The following C6orf132 variants were observed in gnomAD, a reference collection of about 807,000 sequenced individuals.
C6orf132 encodes uncharacterized protein C6orf132.
Under a neutral mutation model 65.3 loss-of-function variants are expected in C6orf132, and 43 were observed. The ratio of observed to expected loss-of-function variants is 0.66; its 90% confidence interval spans 0.52 to 0.85. The LOEUF (loss-of-function observed/expected upper bound fraction) is 0.85. Ranked by LOEUF, C6orf132 falls within the 40% of genes least tolerant of loss-of-function variation. C6orf132 has a pLI of 0.00. For missense variants in C6orf132, 1,488 were observed against 1,548.8 expected, an observed-to-expected ratio of 0.96 and a Z score of 0.66; for synonymous variants, 631 against 654.1, an observed-to-expected ratio of 0.96 and a Z score of 0.54.
Position 42,107,500 on chromosome 6 carries a change from G to C in C6orf132, c.412C>G (p.Leu138Val). ...GGGCCTGGGGGAGGTGGGGGGATGA[G>C]TAGATCCTGGCCATATTGTCCAGGC... ...LRPGQYGQDL[L>V]IPPPPPGPAP... Residue 138 changes from leucine (L) to valine (V), a missense_variant, in exon 4 of 5, where the codon CTC becomes GTC. By Grantham distance (32) the Leu-to-Val change is conservative. Coordinates refer to ENST00000341865, the MANE Select transcript of C6orf132 (RefSeq NM_001164446.3). 4 of 1,549,336 alleles carry C rather than the reference G, an allele frequency of 2.6e-6. No homozygotes were observed. The highest frequency in any genetic ancestry group is 3.5e-6 in the Non-Finnish European group (4 of 1,146,014).
chr6:42,130,202 A>C (rs1021300127), intron 1 of C6orf132, among the ~76,000 whole-genome samples: 27 of 152,220 alleles, frequency 1.8e-4, no homozygotes, highest in African/African-American at 6.0e-4. Flanking sequence ...ACGTCCCTGG[A>C]AACTCCAGTT....
chr6:42,106,454 T>C lies in C6orf132; in HGVS notation c.1458A>G (p.Arg486=), dbSNP rs1766408811. The C allele has an allele frequency of 6.5e-7, 1 of 1,536,164 alleles. No homozygotes were observed. Among genetic ancestry groups the C allele is most frequent in the Non-Finnish European group, 8.7e-7 (1 of 1,146,816 alleles). ...AYLCGSRRED[R]FLSHRPGPTV... is the part of the protein sequence containing the mutation. ...TTGGGCCTGGCCTGTGACTGAGGAA[T>C]CGGTCCTCTCTCCTGGAGCCACAGA... Residue 486 remains arginine, a synonymous_variant, in exon 4 of 5, where the codon CGA becomes CGG. Transcript: ENST00000341865.
At chr6:42,118,297 T>C (rs1291838322) in intron 2 of C6orf132, among the ~76,000 whole-genome samples, 2 of 152,086 alleles carry the variant, frequency 1.3e-5, no homozygotes, top group African/African-American at 2.4e-5. Context: ...GTTCTCAAAG[T>C]TCTTTTCCAG....
intron 1 of C6orf132, among the ~76,000 whole-genome samples, chr6:42,132,901 T>C (rs1228282145): frequency 6.9e-6 from 1 of 145,606 alleles, no homozygotes; most frequent in Non-Finnish European, 1.5e-5. Flanking sequence ...AAAGGAGGTG[T>C]GGCTGCAATC....
intron 1 of C6orf132, among the ~76,000 whole-genome samples, chr6:42,133,044 C>T (rs926583703): frequency 6.6e-6 from 1 of 152,108 alleles, no homozygotes; most frequent in Non-Finnish European, 1.5e-5. Context: ...GGGGTCTTCC[C>T]AGCCTCAAGG....
intron 1 of C6orf132, among the ~76,000 whole-genome samples, chr6:42,130,585 T>C (rs2127478855): frequency 6.6e-6 from 1 of 152,222 alleles, no homozygotes; most frequent in South Asian, 2.1e-4. Context: ...AAGGCCCTAA[T>C]CATTTCATCT....
chr6:42,126,669 C>T (rs1766770786), intron 2 of C6orf132: 1 of 252,850 alleles, frequency 4.0e-6, no homozygotes, highest in Non-Finnish European at 7.5e-6. Context: ...TGGTGAAACC[C>T]TGTCTCTACT....
In C6orf132 at chr6:42,141,380, C is replaced by G. The variant is rs538157571; in HGVS notation, c.145+920G>C. ...TGGGCCCAGAAGCCCCCTGCCCCCC[C>G]AACCTGGGCGTTCCAGAGCCACATG... On this transcript the variant is annotated intron_variant, in intron 1 of 4. Coordinates refer to ENST00000341865, the MANE Select transcript of C6orf132 (RefSeq NM_001164446.3). Among the ~76,000 whole-genome samples the G allele has an allele frequency of 9.8e-5, 15 of 152,354 alleles. No homozygotes were observed. The East Asian group carries it at 2.1e-3, about 22-fold the overall frequency.
chr6:42,107,131 C>G lies in C6orf132; in HGVS notation c.781G>C (p.Asp261His), dbSNP rs1397090376. 1 of 1,439,078 alleles carries G rather than the reference C, an allele frequency of 6.9e-7. No individual in the cohort carries two copies. The highest frequency in any genetic ancestry group is 2.5e-5 in the East Asian group (1 of 39,684). 89.1% of individuals were successfully genotyped at this position (1,439,078 alleles called of 1,614,324 possible). A position where few individuals can be genotyped will look rare whatever the true frequency, so the allele number is the denominator to read the frequency against. Residue 261 changes from aspartate to histidine, a missense_variant, in exon 4 of 5, where the codon GAT (aspartate) becomes CAT (histidine). Transcript: ENST00000341865. Reference protein sequence around the residue: ...PPGGVTKWKSDVALNGRQAEA... With the variant: ...PPGGVTKWKSHVALNGRQAEA... ...GCCTGCCTGCCATTCAGTGCTACAT[C>G]TGATTTCCACTTGGTGACACCCCCA... is the stretch of plus-strand genomic sequence containing the variant.
At chr6:42,109,975 C>T (rs187811858) in intron 3 of C6orf132, among the ~76,000 whole-genome samples, 87 of 152,318 alleles carry the variant, frequency 5.7e-4, no homozygotes, top group African/African-American at 1.5e-3. Flanking sequence ...GCTTTGTCCC[C>T]TTGCCATCCT....
intron 1 of C6orf132, among the ~76,000 whole-genome samples, chr6:42,138,872 C>CAG (rs1766992248): frequency 6.6e-6 from 1 of 151,964 alleles, no homozygotes; most frequent in African/African-American, 2.4e-5. Flanking sequence ...CACACACACA[C>CAG]ACACACACAC....
In C6orf132 at chr6:42,102,259, G is replaced by A. The variant is rs551400682; in HGVS notation, c.*1502C>T. 8.7e-6 allele frequency: 1 copy of A among 115,306 alleles called. No homozygotes were observed. The highest frequency in any genetic ancestry group is 2.7e-4 in the South Asian group (1 of 3,674). 7.1% of individuals were successfully genotyped at this position (115,306 alleles called of 1,614,324 possible). A position where few individuals can be genotyped will look rare whatever the true frequency, so the allele number is the denominator to read the frequency against. ...TTTTTTTTTTTTTGAGACGAGTCTC[G>A]CTCTGTCGCCAGGCTGGAGTGCAAT... On this transcript the variant is annotated 3_prime_UTR_variant, in exon 5 of 5. Coordinates refer to ENST00000341865, the MANE Select transcript of C6orf132 (RefSeq NM_001164446.3).
Position 42,102,029 on chromosome 6 carries a change from G to T in C6orf132, c.*1732C>A, listed in dbSNP as rs1300020278. 1 of 152,110 alleles carries T rather than the reference G, an allele frequency of 6.6e-6. No homozygotes were observed. Among genetic ancestry groups the T allele is most frequent in the African/African-American group, 2.4e-5 (1 of 41,396 alleles). 9.4% of individuals were successfully genotyped at this position (152,110 alleles called of 1,614,324 possible). On this transcript the variant is annotated 3_prime_UTR_variant, in exon 5 of 5. Transcript: ENST00000341865. The stretch of plus-strand genomic sequence containing the variant: ...ACCTTGACCTGGTCCCAGGAATTTG[G>T]CCCACCAGTACCTGAAGATAGGGAA...
At position 42,104,330 on chromosome 6, in the gene C6orf132, C is replaced by A. The variant is rs2127472626; in HGVS notation, c.3449+133G>T. 1 of 1,219,606 alleles carries A rather than the reference C, an allele frequency of 8.2e-7. No individual in the cohort carries two copies. The highest frequency in any genetic ancestry group is 3.2e-5 in the East Asian group (1 of 31,158). 75.5% of individuals were successfully genotyped at this position (1,219,606 alleles called of 1,614,324 possible). Reference sequence around the variant, plus strand: ...GCCCTCTCCCGGTAAGTGGGCCTCCCTCCCGCGTTCTACCTGCAAGGCCGA... The same window carrying A: ...GCCCTCTCCCGGTAAGTGGGCCTCCATCCCGCGTTCTACCTGCAAGGCCGA... On this transcript the variant is annotated intron_variant, in intron 4 of 4. Coordinates refer to ENST00000341865, the MANE Select transcript of C6orf132 (RefSeq NM_001164446.3). This position sits in a 1 kb window ranked among gnomAD's most constrained non-coding sequence, Gnocchi z 4.1.
At chr6:42,119,248 CAAAAAAAAAAAAAAAA>C (rs1156356191) in intron 2 of C6orf132, among the ~76,000 whole-genome samples, 2 of 44,778 alleles carry the variant, frequency 4.5e-5, no homozygotes, top group African/African-American at 2.0e-4. Context: ...GACTCTGTCT[CAAAAAAAAAAAAAAAA>C]AAAAAAAAAA....
In C6orf132 at chr6:42,106,701, G is replaced by C; in HGVS notation, c.1211C>G (p.Pro404Arg). 1 of 1,348,170 alleles carries C rather than the reference G, an allele frequency of 7.4e-7. No individual in the cohort carries two copies. Among genetic ancestry groups the C allele is most frequent in the Non-Finnish European group, 1.0e-6 (1 of 1,000,146 alleles). The allele number at this position is 1,348,170 out of a possible 1,614,324, so 83.5% of individuals were successfully genotyped here. A position where few individuals can be genotyped will look rare whatever the true frequency, so the allele number is the denominator to read the frequency against. ...PPLPPPAPPL[P>R]PPAPPLPPAA... ...TGGGGGAAGTGGGGGTGCTGGGGGA[G>C]GGAGGGGGGGTGCAGGAGGGGGCAG... Residue 404 changes from proline to arginine, a missense_variant, in exon 4 of 5, where the codon CCT (proline) becomes CGT (arginine). Coordinates refer to ENST00000341865, the MANE Select transcript of C6orf132 (RefSeq NM_001164446.3).
At position 42,106,710 on chromosome 6, in the gene C6orf132, G is replaced by T; in HGVS notation, c.1202C>A (p.Pro401His). The T allele has an allele frequency of 5.8e-6, 4 of 686,962 alleles. No individual in the cohort carries two copies. The highest frequency in any genetic ancestry group is 6.7e-6 in the Non-Finnish European group (3 of 450,416). The allele number at this position is 686,962 out of a possible 1,614,324, so 42.6% of individuals were successfully genotyped here. Residue 401 changes from proline (P) to histidine (H), a missense_variant, in exon 4 of 5, where the codon CCC becomes CAC. By Grantham distance (77) the Pro-to-His change is moderately conservative (BLOSUM62 -2). Transcript: ENST00000341865. Reference protein sequence around the residue: ...PPAPPLPPPAPPLPPPAPPLP... With the variant: ...PPAPPLPPPAHPLPPPAPPLP... Reference sequence around the variant, plus strand: ...TGGGGGTGCTGGGGGAGGGAGGGGGGGTGCAGGAGGGGGCAGGGGAGGGGC... The same window carrying T: ...TGGGGGTGCTGGGGGAGGGAGGGGGTGTGCAGGAGGGGGCAGGGGAGGGGC...
intron 1 of C6orf132, among the ~76,000 whole-genome samples, chr6:42,138,617 A>T (rs563538134): frequency 6.6e-6 from 1 of 152,312 alleles, no homozygotes; most frequent in African/African-American, 2.4e-5. Context: ...TGTCTGAGGT[A>T]GCTGTGAGCT....
intron 2 of C6orf132, among the ~76,000 whole-genome samples, chr6:42,126,203 C>T (rs927591221): frequency 1.8e-4 from 28 of 152,042 alleles, no homozygotes; most frequent in African/African-American, 6.5e-4. Context: ...GCCTCAGCCT[C>T]CTGAGTAGCT....
Sources: allele counts gnomAD v4.1 joint callset (sites outside exome capture counted in the v4.1 genomes callset), GRCh38; gene constraint gnomAD v4.1.1; non-coding constraint Gnocchi (gnomAD v3.1); transcripts MANE v1.5; gene names NCBI Gene and HGNC (gene_info 2026-07-23, HGNC 2026-07-21).